The following PLSCR2 variants were observed in gnomAD, a reference collection of about 807,000 sequenced individuals.
PLSCR2 encodes phospholipid scramblase 2, also known as PL scramblase 2.
PLSCR2 carries 18 observed loss-of-function variants against 25.3 expected under a neutral mutation model. The observed-to-expected ratio is 0.71, with a 90% CI of 0.49 to 1.06. The LOEUF (loss-of-function observed/expected upper bound fraction) is 1.06, where lower values mean the gene tolerates loss of function less well. PLSCR2 is among the 50% of genes least tolerant of loss of function. The probability of loss-of-function intolerance (pLI) is 0.00; values close to 1 mark genes in which losing one functional copy is unlikely to be tolerated. For synonymous variants in PLSCR2, 88 were observed against 87.3 expected (o/e 1.01, Z -0.04); for missense variants, 243 against 269.5 (o/e 0.90, Z 0.69).
rs773332359 is a variant in PLSCR2, at chr3:146,455,257, GCAA to G, written c.300_302del (p.Cys101del). ...CACATACCTCCTGAAGGCAGCAGGGGCAACAACAACAGTTACATCTTAGTGGTC... is the reference window on the plus strand; with the variant it reads ...CACATACCTCCTGAAGGCAGCAGGGGCAACAACAGTTACATCTTAGTGGTC... On this transcript the variant is annotated inframe_deletion, in exon 4 of 7. Coordinates refer to ENST00000610787, the Ensembl canonical transcript of PLSCR2. The G allele has an allele frequency of 3.5e-5, 57 of 1,612,890 alleles. No individual in the cohort carries two copies. In the South Asian group the frequency reaches 4.7e-4, roughly 13 times the overall value.
upstream of PLSCR2, chr3:146,464,138 T>C (rs1241859830): frequency 5.4e-6 from 1 of 186,512 alleles, no homozygotes; most frequent in African/African-American, 2.4e-5. Context: ...TATTAAAACT[T>C]ACATTTTTCT....
At chr3:146,413,618 C>T (rs2038921979) in intron 2 of PLSCR2, among the ~76,000 whole-genome samples, 1 of 152,172 alleles carries the variant, frequency 6.6e-6, no homozygotes, top group Non-Finnish European at 1.5e-5. Context: ...ATGGCCTTCA[C>T]CCCAGTTTTC....
At chr3:146,407,792 A>G (rs888006738) in intron 2 of PLSCR2, among the ~76,000 whole-genome samples, 1 of 152,048 alleles carries the variant, frequency 6.6e-6, no homozygotes, top group African/African-American at 2.4e-5. Context: ...GCCTGAGCCT[A>G]CAACACATCT....
chr3:146,487,951 G>T (rs2043406027), intron 1 of PLSCR2, among the ~76,000 whole-genome samples: 1 of 152,052 alleles, frequency 6.6e-6, no homozygotes, highest in South Asian at 2.1e-4. Flanking sequence ...AACCAAAACA[G>T]CAAGGTACTG....
chr3:146,475,319 G>C (rs1442425269), intron 1 of PLSCR2, among the ~76,000 whole-genome samples: 1 of 151,936 alleles, frequency 6.6e-6, no homozygotes, highest in African/African-American at 2.4e-5. Context: ...CCTTGCATGG[G>C]GTTTTTGTAG....
chr3:146,466,370 C>T (rs1258137250), intron 1 of PLSCR2, among the ~76,000 whole-genome samples: 1 of 152,168 alleles, frequency 6.6e-6, no homozygotes, highest in Non-Finnish European at 1.5e-5. Flanking sequence ...GGGATTTTCC[C>T]ATGTTGGCCA....
chr3:146,399,812 C>T (rs2038401358), intron 2 of PLSCR2, among the ~76,000 whole-genome samples: 1 of 150,340 alleles, frequency 6.7e-6, no homozygotes, highest in African/African-American at 2.4e-5. Flanking sequence ...TTCCTTCTTT[C>T]CTTCCTTCCT....
At chr3:146,455,170 A>C in intron 4 of PLSCR2, 69 bp downstream of exon 4, 1 of 998,946 alleles carries the variant, frequency 1.0e-6, no homozygotes, top group Non-Finnish European at 1.6e-6. Flanking sequence ...TTGATTATAC[A>C]GATTCAATAA....
intron 3 of PLSCR2, among the ~76,000 whole-genome samples, chr3:146,395,416 C>A (rs184834775): frequency 1.3e-4 from 20 of 152,204 alleles, no homozygotes; most frequent in African/African-American, 4.8e-4. Flanking sequence ...CAATATATTA[C>A]CATTTAAATA....
intron 2 of PLSCR2, among the ~76,000 whole-genome samples, chr3:146,404,145 C>T (rs1416263301): frequency 6.6e-6 from 1 of 152,180 alleles, no homozygotes; most frequent in African/African-American, 2.4e-5. Flanking sequence ...AACCCCTTTC[C>T]CTCCCTTGTC....
intron 1 of PLSCR2, among the ~76,000 whole-genome samples, chr3:146,490,360 G>C (rs535165130): frequency 6.6e-6 from 1 of 152,004 alleles, no homozygotes; most frequent in Admixed American, 6.6e-5. Flanking sequence ...CTGCATTCTG[G>C]GCTGACAACT....
At chr3:146,402,492 G>C (rs1263433651) in intron 2 of PLSCR2, among the ~76,000 whole-genome samples, 3 of 151,730 alleles carry the variant, frequency 2.0e-5, no homozygotes, top group East Asian at 3.9e-4. Context: ...TTTTGAGATG[G>C]AGTCTCACTC....
chr3:146,431,694 G>C (rs73865707), downstream of PLSCR2, among the ~76,000 whole-genome samples: 4,605 of 152,100 alleles, frequency 0.03, 270 homozygotes, highest in African/African-American at 0.11. Context: ...AAACCCTCTG[G>C]CAAAGTAGCC....
intron 1 of PLSCR2, among the ~76,000 whole-genome samples, chr3:146,471,362 T>A (rs1005624498): frequency 2.0e-5 from 3 of 152,218 alleles, no homozygotes; most frequent in African/African-American, 7.2e-5. Context: ...GCAAGCATTA[T>A]CTTATTTTTT....
chr3:146,437,749 AG>A (rs1463767132), downstream of PLSCR2, among the ~76,000 whole-genome samples: 1 of 151,686 alleles, frequency 6.6e-6, no homozygotes, highest in Non-Finnish European at 1.5e-5. Flanking sequence ...ATTTTTTTGA[AG>A]GGTTTTTTGT....
intron 1 of PLSCR2, among the ~76,000 whole-genome samples, chr3:146,493,104 C>T (rs2043609929): frequency 6.6e-6 from 1 of 151,670 alleles, no homozygotes; most frequent in African/African-American, 2.4e-5. Context: ...AACATTAAAC[C>T]AGGAAGAAAT....
intron 6 of PLSCR2, among the ~76,000 whole-genome samples, chr3:146,446,268 TG>T (rs2040549080): frequency 6.6e-6 from 1 of 152,172 alleles, no homozygotes; most frequent in South Asian, 2.1e-4. Context: ...CTTTGCAGTC[TG>T]GGCTTGTTTG....
intron 2 of PLSCR2, among the ~76,000 whole-genome samples, chr3:146,396,761 A>AAGTT (rs2038288175): frequency 6.6e-6 from 1 of 152,140 alleles, no homozygotes; most frequent in Non-Finnish European, 1.5e-5. Context: ...GGCTGCTCAT[A>AAGTT]ACACAGCCTT....
chr3:146,485,245 A>G (rs959607311), intron 1 of PLSCR2, among the ~76,000 whole-genome samples: 1 of 152,128 alleles, frequency 6.6e-6, no homozygotes, highest in East Asian at 1.9e-4. Context: ...AACAAAAAGC[A>G]CTAACAATTC....
Sources: gnomAD v4.1 joint callset for allele counts (sites outside exome capture counted in the v4.1 genomes callset) on GRCh38, gnomAD v4.1.1 for gene constraint, MANE v1.5 for transcripts, NCBI Gene and HGNC (gene_info 2026-07-23, HGNC 2026-07-21) for gene names.